Variants in CUX2 observed in about 807,000 individuals in gnomAD.
CUX2 encodes the protein homeobox protein cut-like 2.
A neutral mutation model predicts 144.8 loss-of-function variants in CUX2; 40 were observed. That is an observed-to-expected ratio of 0.28 (90% CI 0.21 to 0.36). CUX2 has a LOEUF of 0.36. CUX2 is among the 10% of genes least tolerant of loss of function. The pLI is 1.00. For missense variants in CUX2, 1,615 were observed against 1,994.0 expected, an observed-to-expected ratio of 0.81 and a Z score of 3.62; for synonymous variants, 827 against 875.6, an observed-to-expected ratio of 0.94 and a Z score of 0.98.
intron 21 of CUX2, among the ~76,000 whole-genome samples, chr12:111,343,608 T>C (rs1191781840): frequency 6.6e-6 from 1 of 152,180 alleles, no homozygotes; most frequent in Non-Finnish European, 1.5e-5. Context: ...CAGGGTCCTA[T>C]AGACCTGAGT....
At position 111,328,313 on chromosome 12, in the gene CUX2, T is replaced by C. The variant is rs983222883; in HGVS notation, c.2926+5733T>C. Among the ~76,000 whole-genome samples, 17 of 152,180 alleles carry C rather than the reference T, an allele frequency of 1.1e-4. 1 individual carries two copies. The highest frequency in any genetic ancestry group is 1.0e-3 in the Admixed American group (16 of 15,272). On this transcript the variant is annotated intron_variant, in intron 18 of 21. Coordinates refer to ENST00000261726, the MANE Select transcript of CUX2 (RefSeq NM_015267.4). ...CACTGGGGCGGGCAGGGACCGGCAC[T>C]GGAACCCTGACCATACCTGTTACTG... is the stretch of plus-strand genomic sequence containing the variant.
At chr12:111,329,408 T>C (rs561431568) in intron 18 of CUX2, among the ~76,000 whole-genome samples, 1 of 152,026 alleles carries the variant, frequency 6.6e-6, no homozygotes, top group Non-Finnish European at 1.5e-5. Flanking sequence ...AGAGATAATT[T>C]CTGAATCTTT....
At chr12:111,345,998 A>G (rs11065875) in intron 21 of CUX2, among the ~76,000 whole-genome samples, 63,722 of 150,190 alleles carry the variant, frequency 0.42, 17,851 homozygotes, top group East Asian at 0.93. Flanking sequence ...CCAGCTACTC[A>G]GGAGGCTGAG....
intron 1 of CUX2, among the ~76,000 whole-genome samples, chr12:111,202,213 G>A (rs7958375): frequency 0.047 from 7,118 of 152,276 alleles, 556 homozygotes; most frequent in African/African-American, 0.16. Flanking sequence ...CACCCAGTTG[G>A]ACCAGACGTG....
intron 19 of CUX2, among the ~76,000 whole-genome samples, chr12:111,337,126 G>A (rs539520039): frequency 2.0e-5 from 3 of 152,230 alleles, no homozygotes; most frequent in East Asian, 1.9e-4. Context: ...AAGGAGCCAA[G>A]ATCACACCAC....
rs1476066147 is a variant in CUX2 at position 111,061,180 on chromosome 12, A to G, written c.63+26940A>G. Among the ~76,000 whole-genome samples the G allele has an allele frequency of 1.8e-4, 22 of 123,164 alleles. No individual in the cohort carries two copies. In the East Asian group the frequency reaches 4.0e-3, roughly 22 times the overall value. 80.8% of individuals were successfully genotyped at this position (123,164 alleles called of 152,430 possible). ...TCCCCAGATGTGTGCATGCATATGC[A>G]CACACACACACACACACACACACAC... On this transcript the variant is annotated intron_variant, in intron 1 of 21. Coordinates refer to ENST00000261726, the MANE Select transcript of CUX2 (RefSeq NM_015267.4). This position sits in a 1 kb window ranked among gnomAD's most constrained non-coding sequence, Gnocchi z 4.2.
rs1187563419 is a variant in CUX2 at position 111,035,489 on chromosome 12, C to T, written c.63+1249C>T. Among the ~76,000 whole-genome samples the T allele has an allele frequency of 6.6e-6, 1 of 151,932 alleles. No individual in the cohort carries two copies. The highest frequency in any genetic ancestry group is 1.9e-4 in the East Asian group (1 of 5,170). On this transcript the variant is annotated intron_variant, in intron 1 of 21. Coordinates refer to ENST00000261726, the MANE Select transcript of CUX2 (RefSeq NM_015267.4). This position sits in a 1 kb window ranked among gnomAD's most constrained non-coding sequence, Gnocchi z 6.0. ...GCCTTGGAGTCTCGCAAAGTCTCGG[C>T]GGGTGCGGCGGGGATCAGGGGCGGG...
At chr12:111,097,705 C>T (rs964619622) in intron 1 of CUX2, among the ~76,000 whole-genome samples, 7 of 152,126 alleles carry the variant, frequency 4.6e-5, no homozygotes, top group Non-Finnish European at 8.8e-5. Context: ...GCTCGGCAAG[C>T]GAGGCGCTCA....
intron 4 of CUX2, among the ~76,000 whole-genome samples, chr12:111,273,443 C>A (rs1884721095): frequency 6.6e-6 from 1 of 152,116 alleles, no homozygotes; most frequent in Non-Finnish European, 1.5e-5. Context: ...CTAGACCCGC[C>A]CCGACCCAGC....
chr12:111,322,348 T>TG lies in CUX2; in HGVS notation c.2767-69dup. On this transcript the variant is annotated intron_variant, in intron 17 of 21. Coordinates refer to ENST00000261726, the MANE Select transcript of CUX2 (RefSeq NM_015267.4). This position sits in a 1 kb window ranked among gnomAD's most constrained non-coding sequence, Gnocchi z 4.2. ...AAAAAAAAAAAAAAAAAAAAAAGGTTGGGGAGGAGAGTGAGGGCCAGGCCC... is the reference window on the plus strand; with the variant it reads ...AAAAAAAAAAAAAAAAAAAAAAGGTTGGGGGAGGAGAGTGAGGGCCAGGCCC... 1 of 1,127,840 alleles carries TG rather than the reference T, an allele frequency of 8.9e-7. No homozygotes were observed. Among genetic ancestry groups the TG allele is most frequent in the Non-Finnish European group, 1.2e-6 (1 of 843,868 alleles). The allele number at this position is 1,127,840 out of a possible 1,614,324, so 69.9% of individuals were successfully genotyped here. A position where few individuals can be genotyped will look rare whatever the true frequency, so the allele number is the denominator to read the frequency against.
chr12:111,184,118 G>T (rs1592813571), intron 1 of CUX2, among the ~76,000 whole-genome samples: 1 of 152,182 alleles, frequency 6.6e-6, no homozygotes, highest in African/African-American at 2.4e-5. Flanking sequence ...GTCCCTTTGA[G>T]GGGCAAGCTG....
chr12:111,248,676 A>G (rs906194640), intron 3 of CUX2, among the ~76,000 whole-genome samples: 2 of 152,138 alleles, frequency 1.3e-5, no homozygotes, highest in African/African-American at 2.4e-5. Flanking sequence ...GCTAATGCTC[A>G]TGGGGCCTGG....
chr12:111,265,070 T>G (rs1421872785), intron 4 of CUX2, among the ~76,000 whole-genome samples: 1 of 152,118 alleles, frequency 6.6e-6, no homozygotes, highest in African/African-American at 2.4e-5. Context: ...TGATAAATTT[T>G]CTGTTGTATG....
At chr12:111,163,264 C>T (rs998195037) in intron 1 of CUX2, among the ~76,000 whole-genome samples, 4 of 152,160 alleles carry the variant, frequency 2.6e-5, no homozygotes, top group African/African-American at 9.7e-5. Flanking sequence ...TTATTGACGG[C>T]ATTGCTGTCT....
At chr12:111,040,884 C>G (rs1460336056) in intron 1 of CUX2, among the ~76,000 whole-genome samples, 1 of 152,190 alleles carries the variant, frequency 6.6e-6, no homozygotes, top group Non-Finnish European at 1.5e-5. Context: ...AGGCAGGGGG[C>G]CGGTTTTGGC....
At chr12:111,132,557 C>CT (rs1182564665) in intron 1 of CUX2, among the ~76,000 whole-genome samples, 3,093 of 97,136 alleles carry the variant, frequency 0.032, 721 homozygotes, top group East Asian at 0.05. Context: ...GCTCTGTTTC[C>CT]TTTTTTTTTT....
In CUX2 at chr12:111,039,417, T is replaced by C. The variant is rs1164539968; in HGVS notation, c.63+5177T>C. On this transcript the variant is annotated intron_variant, in intron 1 of 21. Transcript: ENST00000261726. This position sits in a 1 kb window ranked among gnomAD's most constrained non-coding sequence, Gnocchi z 4.2. ...GTGGCCTTTAGTGCTCCTGGGTGAA[T>C]CATCCCACATCCCAAGTCTCCTGCT... Among the ~76,000 whole-genome samples, 1 of 152,142 alleles carries C rather than the reference T, an allele frequency of 6.6e-6. No homozygotes were observed. Among genetic ancestry groups the C allele is most frequent in the Non-Finnish European group, 1.5e-5 (1 of 68,018 alleles).
In CUX2 at chr12:111,296,523, G is replaced by T; in HGVS notation, c.688G>T (p.Glu230Ter). 2 of 1,611,404 alleles carry T rather than the reference G, an allele frequency of 1.2e-6. No individual in the cohort carries two copies. The highest frequency in any genetic ancestry group is 1.1e-5 in the South Asian group (1 of 90,458). Residue 230 changes from glutamate (E) to a stop codon, truncating the protein, a stop_gained, in exon 8 of 22, where the codon GAG (glutamate) becomes TAG (stop). Coordinates refer to ENST00000261726, the MANE Select transcript of CUX2 (RefSeq NM_015267.4). LOFTEE classifies it high-confidence loss of function. ...ELLELRRKYD[E>*]EAASKADEVG... ...GCTAGAGCTGCGGCGGAAGTACGACGAGGAGGCAGCATCCAAGTAAGTGAG... is the reference window on the plus strand; with the variant it reads ...GCTAGAGCTGCGGCGGAAGTACGACTAGGAGGCAGCATCCAAGTAAGTGAG...
At chr12:111,106,183 G>C (rs1211781782) in intron 1 of CUX2, among the ~76,000 whole-genome samples, 1 of 151,898 alleles carries the variant, frequency 6.6e-6, no homozygotes, top group Non-Finnish European at 1.5e-5. Context: ...GTAAGGATAG[G>C]GTTTTGCCAT....
Sources: allele counts gnomAD v4.1 joint callset (sites outside exome capture counted in the v4.1 genomes callset), GRCh38; gene constraint gnomAD v4.1.1; non-coding constraint Gnocchi (gnomAD v3.1); transcripts MANE v1.5; gene names NCBI Gene and HGNC (gene_info 2026-07-23, HGNC 2026-07-21).